Variants in IGSF21 observed in about 807,000 individuals in gnomAD.
IGSF21 encodes immunoglobin superfamily member 21, also known as immunoglobulin superfamily member 21.
In IGSF21, 28 loss-of-function variants were observed where a neutral mutation model predicts 46.8. The ratio of observed to expected loss-of-function variants is 0.60; its 90% CI spans 0.44 to 0.82. The LOEUF is 0.82. Ranked by LOEUF, IGSF21 falls within the 40% of genes least tolerant of loss-of-function variation. IGSF21 has a pLI of 0.00. For synonymous variants in IGSF21, 284 were observed against 273.6 expected (o/e 1.04, Z -0.38); for missense variants, 624 against 665.5 (o/e 0.94, Z 0.69).
At chr1:18,278,537 TTG>T (rs2085126949) in intron 2 of IGSF21, among the ~76,000 whole-genome samples, 2 of 124,258 alleles carry the variant, frequency 1.6e-5, no homozygotes, top group African/African-American at 7.8e-5. Flanking sequence ...TTTTTTTTGT[TTG>T]TTTGTTTGTT....
chr1:18,292,731 C>T (rs557036726), intron 3 of IGSF21, among the ~76,000 whole-genome samples: 21 of 152,298 alleles, frequency 1.4e-4, no homozygotes, highest in Admixed American at 1.2e-3. Context: ...GTAAACTCCT[C>T]ATCAGCCTTC....
intron 2 of IGSF21, among the ~76,000 whole-genome samples, chr1:18,256,462 ACCCAGGGAGCCGGCT>A (rs1299616377): frequency 1.3e-5 from 2 of 152,084 alleles, no homozygotes; most frequent in Non-Finnish European, 2.9e-5. Context: ...TTTTCAGGTC[ACCCAGGGAGCCGGCT>A]CCCAGGGCTA....
chr1:18,207,504 A>G (rs1312425123), intron 1 of IGSF21, among the ~76,000 whole-genome samples: 4 of 152,188 alleles, frequency 2.6e-5, no homozygotes, highest in Non-Finnish European at 5.9e-5. Flanking sequence ...ACTCTCTAAT[A>G]TGGACCATGA....
At chr1:18,192,048 C>A (rs978578268) in intron 1 of IGSF21, among the ~76,000 whole-genome samples, 2 of 152,192 alleles carry the variant, frequency 1.3e-5, no homozygotes, top group African/African-American at 2.4e-5. Flanking sequence ...CTGTCTCCCC[C>A]ACCAGGCTTC....
chr1:18,325,452 G>C (rs223167), intron 3 of IGSF21, among the ~76,000 whole-genome samples: 73,355 of 151,868 alleles, frequency 0.48, 18,101 homozygotes, highest in East Asian at 0.59. Flanking sequence ...GAGCGGGCTT[G>C]TCTGACCAGC....
chr1:18,298,081 G>T (rs186256600), intron 3 of IGSF21, among the ~76,000 whole-genome samples: 20 of 152,308 alleles, frequency 1.3e-4, no homozygotes, highest in South Asian at 8.3e-4. Context: ...AAGTGCAAAG[G>T]TCCTGGGGTG....
intron 1 of IGSF21, among the ~76,000 whole-genome samples, chr1:18,190,161 G>A (rs1200336940): frequency 2.0e-5 from 3 of 152,228 alleles, no homozygotes; most frequent in Non-Finnish European, 2.9e-5. Context: ...GCTGCTGGAT[G>A]AGGACACAAA....
chr1:18,238,076 A>G (rs952834332), intron 2 of IGSF21, among the ~76,000 whole-genome samples: 2 of 152,142 alleles, frequency 1.3e-5, no homozygotes, highest in Non-Finnish European at 2.9e-5. Context: ...GGTGCAGAAT[A>G]TTCTCAAAGG....
At chr1:18,203,461 G>A (rs542232419) in intron 1 of IGSF21, among the ~76,000 whole-genome samples, 21 of 152,170 alleles carry the variant, frequency 1.4e-4, no homozygotes, top group East Asian at 9.7e-4. Context: ...GGTGCATGCC[G>A]CCACACCTGG....
chr1:18,246,111 A>C lies in IGSF21; in HGVS notation c.183+18101A>C, dbSNP rs536364637. Among the ~76,000 whole-genome samples, 12 of 152,264 alleles carry C rather than the reference A, an allele frequency of 7.9e-5. No individual in the cohort carries two copies. The South Asian group carries it at 2.5e-3, about 32-fold the overall frequency. On this transcript the variant is annotated intron_variant, in intron 2 of 9. Transcript: ENST00000251296. ...GCTATTAAACAGGAGTGAAAGTCCC[A>C]GTTATATTTTGTTTCTCTTGAGCAG...
intron 3 of IGSF21, among the ~76,000 whole-genome samples, chr1:18,298,836 C>T (rs1358528948): frequency 6.6e-6 from 1 of 152,176 alleles, no homozygotes; most frequent in Non-Finnish European, 1.5e-5. Flanking sequence ...TGTTCCTCTC[C>T]CTTCACGCCC....
chr1:18,187,458 A>C (rs1368916881), intron 1 of IGSF21, among the ~76,000 whole-genome samples: 3 of 152,192 alleles, frequency 2.0e-5, no homozygotes, highest in Non-Finnish European at 4.4e-5. Flanking sequence ...GGTACTTCTT[A>C]CATGGCGACA....
At chr1:18,229,934 T>C (rs1569580292) in intron 2 of IGSF21, among the ~76,000 whole-genome samples, 1 of 152,154 alleles carries the variant, frequency 6.6e-6, no homozygotes, top group Non-Finnish European at 1.5e-5. Context: ...GAAAGACAGA[T>C]AGAAATATGG....
chr1:18,302,945 A>T (rs1327054405), intron 3 of IGSF21, among the ~76,000 whole-genome samples: 1 of 152,092 alleles, frequency 6.6e-6, no homozygotes, highest in Non-Finnish European at 1.5e-5. Flanking sequence ...CTCCCAGAAC[A>T]CACCCTTCTG....
At chr1:18,302,007 A>C (rs2085366488) in intron 3 of IGSF21, among the ~76,000 whole-genome samples, 1 of 152,140 alleles carries the variant, frequency 6.6e-6, no homozygotes, top group Admixed American at 6.5e-5. Flanking sequence ...GCTCCGCCTC[A>C]GTCCCCATGG....
intron 1 of IGSF21, among the ~76,000 whole-genome samples, chr1:18,183,945 A>G (rs1437917377): frequency 6.6e-6 from 1 of 152,172 alleles, no homozygotes; most frequent in East Asian, 1.9e-4. Context: ...CAGTGATGGG[A>G]TGAAGAAGTA....
chr1:18,272,552 C>T (rs1446236280), intron 2 of IGSF21, among the ~76,000 whole-genome samples: 2 of 152,256 alleles, frequency 1.3e-5, no homozygotes, highest in South Asian at 2.1e-4. Context: ...CTGTTGTCAT[C>T]GCTGCTCTCC....
intron 2 of IGSF21, among the ~76,000 whole-genome samples, chr1:18,245,263 A>G (rs183739902): frequency 2.3e-4 from 35 of 152,342 alleles, no homozygotes; most frequent in African/African-American, 6.5e-4. Context: ...ATAAAGAAAA[A>G]TTAATTAAAT....
In IGSF21 at chr1:18,365,486, G is replaced by A. The variant is rs749270673; in HGVS notation, c.804G>A (p.Thr268=). ...CAACCACAGAGAACATACCAGAGAC[G>A]GTCGTGAGCCGTGAGTTTCCCCGCT... is the stretch of plus-strand genomic sequence containing the variant. ...LQPTTENIPE[T]VVSREFPRWV... The change falls in exon 6 of 10, where the codon ACG becomes ACA. Residue 268 remains threonine (T), a synonymous_variant. Transcript: ENST00000251296. This position sits in a 1 kb window ranked among gnomAD's most constrained non-coding sequence, Gnocchi z 4.8. 17 of 1,613,890 alleles carry A rather than the reference G, an allele frequency of 1.1e-5. No individual in the cohort carries two copies. The highest frequency in any genetic ancestry group is 4.0e-5 in the African/African-American group (3 of 74,858).
Sources: gnomAD v4.1 joint callset for allele counts (sites outside exome capture counted in the v4.1 genomes callset) on GRCh38, gnomAD v4.1.1 for gene constraint, Gnocchi (gnomAD v3.1) non-coding constraint, MANE v1.5 for transcripts, NCBI Gene and HGNC (gene_info 2026-07-23, HGNC 2026-07-21) for gene names.